The following SH3D19 variants were observed in gnomAD, a reference collection of about 807,000 sequenced individuals.
SH3D19 encodes the protein SH3 domain-containing protein 19.
A neutral mutation model predicts 112.1 loss-of-function variants in SH3D19; 58 were observed. The ratio of observed to expected loss-of-function variants is 0.52; its 90% CI spans 0.42 to 0.64. The LOEUF (loss-of-function observed/expected upper bound fraction) is 0.64, where lower values mean the gene tolerates loss of function less well. Ranked by LOEUF, SH3D19 falls within the 30% of genes least tolerant of loss-of-function variation. The pLI, the probability that SH3D19 is intolerant of heterozygous loss-of-function variation, is 0.00. For synonymous variants in SH3D19, 391 were observed against 448.5 expected, an observed-to-expected ratio of 0.87 and a Z score of 1.62; for missense variants, 1,090 against 1,263.4, an observed-to-expected ratio of 0.86 and a Z score of 2.08.
chr4:151,148,037 T>G lies in SH3D19; in HGVS notation c.1967A>C (p.Lys656Thr). 6.2e-7 allele frequency: 1 copy of G among 1,614,140 alleles called. No homozygotes were observed. The highest frequency in any genetic ancestry group is 1.7e-5 in the Admixed American group (1 of 60,008). ...RSSSDMDLQK[K>T]QSNLATGLSK... ...GAGTCCAGTTGCCAAGTTACTTTGT[T>G]TTTTCTGAAGATCCATGTCAGAAGA... is the stretch of plus-strand genomic sequence containing the variant. The change falls in exon 11 of 20, where the codon AAA becomes ACA. Residue 656 changes from lysine to threonine, a missense_variant. Transcript: ENST00000604030.
At chr4:151,182,161 G>A (rs927440324) in intron 3 of SH3D19, among the ~76,000 whole-genome samples, 3 of 151,744 alleles carry the variant, frequency 2.0e-5, no homozygotes, top group East Asian at 1.9e-4. Context: ...GCTCCTTTTC[G>A]TATCTTTTGT....
chr4:151,146,923 A>G (rs2149773302), intron 11 of SH3D19, among the ~76,000 whole-genome samples: 1 of 152,368 alleles, frequency 6.6e-6, no homozygotes, highest in East Asian at 1.9e-4. Context: ...TATCTCAACT[A>G]TTGATGAAAA....
chr4:151,170,015 T>G (rs1478240495), intron 7 of SH3D19, among the ~76,000 whole-genome samples: 1 of 152,164 alleles, frequency 6.6e-6, no homozygotes, highest in African/African-American at 2.4e-5. Flanking sequence ...GAATTAGACC[T>G]ATTATCCTGA....
chr4:151,144,730 TCTC>T (rs1753629587), intron 11 of SH3D19, among the ~76,000 whole-genome samples: 1 of 152,272 alleles, frequency 6.6e-6, no homozygotes, highest in African/African-American at 2.4e-5. Flanking sequence ...TTGAAGCTCT[TCTC>T]CTAGAGTCTC....
intron 1 of SH3D19, among the ~76,000 whole-genome samples, chr4:151,264,342 G>A (rs1772604752): frequency 6.8e-6 from 1 of 147,388 alleles, no homozygotes; most frequent in East Asian, 2.0e-4. Flanking sequence ...GAGGTAGGGG[G>A]AGAATCGCTT....
At position 151,139,891 on chromosome 4, in the gene SH3D19, T is replaced by C. The variant is rs753408168; in HGVS notation, c.2224-44A>G. ...CTGTGAATGAAGTGTGCAGGATAGA[T>C]GGTGGATTTATTATTCACTCTGAGA... On this transcript the variant is annotated intron_variant, in intron 12 of 19. Coordinates refer to ENST00000604030, the MANE Select transcript of SH3D19 (RefSeq NM_001378122.1). 9.4e-6 allele frequency: 15 copies of C among 1,593,212 alleles called. No individual in the cohort carries two copies. In the Admixed American group the frequency reaches 1.4e-4, roughly 14 times the overall value.
At chr4:151,123,205 T>C (rs1458448803) in intron 19 of SH3D19, among the ~76,000 whole-genome samples, 2 of 152,210 alleles carry the variant, frequency 1.3e-5, no homozygotes, top group Admixed American at 6.5e-5. Flanking sequence ...AAAACTCAGA[T>C]AGACTACATA....
chr4:151,137,884 A>T, intron 13 of SH3D19, 22 bp from the exon 14 acceptor site: 1 of 1,571,362 alleles, frequency 6.4e-7, no homozygotes, highest in South Asian at 1.2e-5. Context: ...AATTATAGTT[A>T]TGTATGATGA....
chr4:151,127,500 G>A, intron 19 of SH3D19, 118 bp downstream of exon 19: 1 of 578,592 alleles, frequency 1.7e-6, no homozygotes, highest in Non-Finnish European at 2.9e-6. Context: ...ATCAGGGCCT[G>A]AGATCTCTTC....
At chr4:151,287,812 C>T (rs937228067) in intron 1 of SH3D19, among the ~76,000 whole-genome samples, 1 of 152,050 alleles carries the variant, frequency 6.6e-6, no homozygotes, top group Non-Finnish European at 1.5e-5. Flanking sequence ...ACCGGGAGGT[C>T]GAGGCCACAG....
intron 1 of SH3D19, among the ~76,000 whole-genome samples, chr4:151,235,873 C>T (rs72723781): frequency 3.7e-3 from 558 of 152,286 alleles, no homozygotes; most frequent in African/African-American, 4.0e-3. Context: ...TCATTATCAC[C>T]ATCCACTCTC....
At chr4:151,194,602 G>A (rs1399794908) in intron 2 of SH3D19, among the ~76,000 whole-genome samples, 1 of 150,436 alleles carries the variant, frequency 6.6e-6, no homozygotes, top group Non-Finnish European at 1.5e-5. Flanking sequence ...ATTTAGTGGA[G>A]ATGAAGTTTC....
In SH3D19 at chr4:151,174,836, G is replaced by C; in HGVS notation, c.1368C>G (p.Ala456=). 6.3e-7 allele frequency: 1 copy of C among 1,586,510 alleles called. No homozygotes were observed. Among genetic ancestry groups the C allele is most frequent in the African/African-American group, 1.3e-5 (1 of 74,320 alleles). Reference sequence around the variant, plus strand: ...CTTCTCCCAGTGACTTGTATGCTTTGGCTTGTGATGCCCCTGCGAGTCGGG... The same window carrying C: ...CTTCTCCCAGTGACTTGTATGCTTTCGCTTGTGATGCCCCTGCGAGTCGGG... ...VPPRLAGASQ[A]KAYKSLGEGP... Residue 456 remains alanine (A), a synonymous_variant, in exon 7 of 20, where the codon GCC becomes GCG. Coordinates refer to ENST00000604030, the MANE Select transcript of SH3D19 (RefSeq NM_001378122.1).
intron 12 of SH3D19, among the ~76,000 whole-genome samples, chr4:151,141,409 A>C (rs1752960857): frequency 6.6e-6 from 1 of 152,174 alleles, no homozygotes; most frequent in Non-Finnish European, 1.5e-5. Flanking sequence ...TACAGGAGTG[A>C]GCCACCGTGC....
At chr4:151,307,008 T>C (rs1467700329) in intron 1 of SH3D19, among the ~76,000 whole-genome samples, 1 of 147,438 alleles carries the variant, frequency 6.8e-6, no homozygotes, top group Non-Finnish European at 1.5e-5. Context: ...TCACTCCTAA[T>C]GATGACTTCT....
intron 1 of SH3D19, among the ~76,000 whole-genome samples, chr4:151,308,224 A>C (rs527350788): frequency 6.6e-6 from 1 of 152,148 alleles, no homozygotes; most frequent in African/African-American, 2.4e-5. Flanking sequence ...CTTTTAAAAA[A>C]CTCAAGACTG....
At chr4:151,232,029 C>T (rs1019434434) in intron 1 of SH3D19, among the ~76,000 whole-genome samples, 3 of 152,072 alleles carry the variant, frequency 2.0e-5, no homozygotes, top group African/African-American at 7.2e-5. Context: ...AGTAAAACTA[C>T]AAAAATTAGC....
At chr4:151,248,171 C>G (rs1272633263) in intron 1 of SH3D19, among the ~76,000 whole-genome samples, 1 of 151,874 alleles carries the variant, frequency 6.6e-6, no homozygotes, top group African/African-American at 2.4e-5. Flanking sequence ...GCTATGTTGC[C>G]CAGACTAGTC....
chr4:151,150,537 A>G (rs995676044), intron 9 of SH3D19, among the ~76,000 whole-genome samples: 13 of 151,928 alleles, frequency 8.6e-5, no homozygotes, highest in African/African-American at 3.1e-4. Flanking sequence ...GGAACGTAAA[A>G]GAAACTTGCA....
Sources: gnomAD v4.1 joint callset for allele counts (sites outside exome capture counted in the v4.1 genomes callset) on GRCh38, gnomAD v4.1.1 for gene constraint, MANE v1.5 for transcripts, NCBI Gene and HGNC (gene_info 2026-07-23, HGNC 2026-07-21) for gene names.